The following LY96 variants were observed in gnomAD, a reference collection of about 807,000 sequenced individuals.
The protein encoded by LY96 is myeloid differentiation protein-2.
A neutral mutation model predicts 18.9 loss-of-function variants in LY96; 18 were observed. That is an observed-to-expected ratio of 0.95 (90% CI 0.66 to 1.41). The LOEUF (loss-of-function observed/expected upper bound fraction) is 1.41, where lower values mean the gene tolerates loss of function less well. Ranked by LOEUF, LY96 falls within the 40% of genes most tolerant of loss-of-function variation. The probability of loss-of-function intolerance (pLI) is 0.00; values close to 1 mark genes in which losing one functional copy is unlikely to be tolerated. For missense variants in LY96, 175 were observed against 182.4 expected (o/e 0.96, Z 0.23); for synonymous variants, 66 against 62.6 (o/e 1.06, Z -0.26).
chr8:74,066,742 G>A, the LY96 span, among the ~76,000 whole-genome samples: 1 of 152,148 alleles, frequency 6.6e-6, no homozygotes, highest in Non-Finnish European at 1.5e-5. Context: ...CAAGGCAAGA[G>A]ACTGGAGGCA....
At chr8:74,050,257 T>G in the LY96 span, among the ~76,000 whole-genome samples, 2 of 151,550 alleles carry the variant, frequency 1.3e-5, no homozygotes, top group Non-Finnish European at 2.9e-5. Flanking sequence ...GCACGAGAAT[T>G]ACTTGAACAG....
the LY96 span, among the ~76,000 whole-genome samples, chr8:74,073,584 C>A: frequency 1.3e-5 from 2 of 152,042 alleles, no homozygotes; most frequent in African/African-American, 4.8e-5. Flanking sequence ...TTTCCCACAA[C>A]CTGTGGCTGC....
At chr8:74,063,554 A>G in the LY96 span, among the ~76,000 whole-genome samples, 78 of 152,244 alleles carry the variant, frequency 5.1e-4, no homozygotes, top group African/African-American at 1.8e-3. Flanking sequence ...AGTCCTGCTG[A>G]GATTGTGGTT....
At chr8:74,047,219 A>G in the LY96 span, among the ~76,000 whole-genome samples, 1 of 152,162 alleles carries the variant, frequency 6.6e-6, no homozygotes, top group East Asian at 1.9e-4. Context: ...GATTTTCTAC[A>G]TAAAAAGATT....
the LY96 span, among the ~76,000 whole-genome samples, chr8:74,064,558 CT>C: frequency 6.6e-6 from 1 of 152,194 alleles, no homozygotes; most frequent in African/African-American, 2.4e-5. Context: ...CCCCTCCCTA[CT>C]TTTGCTCCCT....
At chr8:74,053,441 A>G in the LY96 span, among the ~76,000 whole-genome samples, 2 of 152,212 alleles carry the variant, frequency 1.3e-5, no homozygotes, top group Non-Finnish European at 2.9e-5. Flanking sequence ...TACTCCCTGT[A>G]GAATAAAATC....
chr8:74,025,977 C>T (rs10106026), intron 3 of LY96, among the ~76,000 whole-genome samples: 8,552 of 152,138 alleles, frequency 0.056, 789 homozygotes, highest in African/African-American at 0.19. Flanking sequence ...CATTGTACTC[C>T]GGCCTGGGCA....
chr8:74,072,013 G>A, the LY96 span, among the ~76,000 whole-genome samples: 1 of 152,108 alleles, frequency 6.6e-6, no homozygotes, highest in African/African-American at 2.4e-5. Flanking sequence ...ACAATGCCAA[G>A]CACAAACATT....
At chr8:74,083,049 T>A in the LY96 span, among the ~76,000 whole-genome samples, 1 of 152,022 alleles carries the variant, frequency 6.6e-6, no homozygotes, top group Admixed American at 6.6e-5. Context: ...CTGAACCCAT[T>A]TTCCCCGTCC....
At chr8:74,039,564 C>G in the LY96 span, among the ~76,000 whole-genome samples, 1 of 152,000 alleles carries the variant, frequency 6.6e-6, no homozygotes, top group Non-Finnish European at 1.5e-5. Context: ...TTATTGCATA[C>G]AAGACAAGCG....
chr8:73,996,372 CCTTTCTTTCTTTCTTTCTTTCTTTCTTT>C (rs541600290), intron 1 of LY96, among the ~76,000 whole-genome samples: 58 of 111,004 alleles, frequency 5.2e-4, no homozygotes, highest in African/African-American at 1.3e-3. Context: ...TTCCTTCATT[CCTTTCTTTCTTTCTTTCTTTCTTTCTTT>C]CTTTCTTTCT....
chr8:73,995,693 A>G (rs759298754), intron 1 of LY96, among the ~76,000 whole-genome samples: 1 of 152,086 alleles, frequency 6.6e-6, no homozygotes, highest in Non-Finnish European at 1.5e-5. Context: ...ATGCTTTCCT[A>G]TGATCCTGAG....
Position 74,002,116 on chromosome 8 carries a change from TC to T in LY96, c.113-2679del, listed in dbSNP as rs1357039955. 5.2e-5 allele frequency among the ~76,000 whole-genome samples: 7 copies of T among 134,334 alleles called. 1 individual carries two copies. Among genetic ancestry groups the T allele is most frequent in the Non-Finnish European group, 9.4e-5 (6 of 63,784 alleles). 88.1% of individuals were successfully genotyped at this position (134,334 alleles called of 152,430 possible). Reference sequence around the variant, plus strand: ...CTTTCTCTCTCTCTCTCTCTCTCTCTCTCTCTCTCTCTCTCTTTCTTTCCTT... The same window carrying T: ...CTTTCTCTCTCTCTCTCTCTCTCTCTTCTCTCTCTCTCTCTTTCTTTCCTT... On this transcript the variant is annotated intron_variant, in intron 1 of 4. Coordinates refer to ENST00000284818, the MANE Select transcript of LY96 (RefSeq NM_015364.5).
chr8:74,058,356 T>C, the LY96 span, among the ~76,000 whole-genome samples: 4 of 152,164 alleles, frequency 2.6e-5, no homozygotes, highest in Non-Finnish European at 4.4e-5. Context: ...AAACCTAAAC[T>C]TTCTGCTACT....
At chr8:74,055,649 C>G in the LY96 span, among the ~76,000 whole-genome samples, 512 of 152,248 alleles carry the variant, frequency 3.4e-3, 5 homozygotes, top group African/African-American at 0.012. Context: ...TAATCAAGGT[C>G]ATAGGTCTTA....
At chr8:74,017,458 AC>A (rs1321379273) in intron 3 of LY96, among the ~76,000 whole-genome samples, 1 of 152,204 alleles carries the variant, frequency 6.6e-6, no homozygotes, top group Admixed American at 6.5e-5. Flanking sequence ...TGAGAATGGA[AC>A]CAAGCTGGAA....
intron 1 of LY96, among the ~76,000 whole-genome samples, chr8:74,001,944 TTCC>T (rs1182303979): frequency 8.1e-5 from 7 of 86,048 alleles, no homozygotes; most frequent in Admixed American, 6.9e-4. Context: ...CCAACCTTCC[TTCC>T]TTCCTTCCTT....
chr8:74,067,492 C>T, the LY96 span, among the ~76,000 whole-genome samples: 32 of 152,244 alleles, frequency 2.1e-4, no homozygotes, highest in African/African-American at 6.7e-4. Flanking sequence ...GGATTACAGA[C>T]GTGAGCCACT....
chr8:74,099,112 G>C, the LY96 span, among the ~76,000 whole-genome samples: 125 of 152,228 alleles, frequency 8.2e-4, no homozygotes, highest in Non-Finnish European at 9.3e-4. Context: ...AATTTTGTCT[G>C]TGTTCTTTCC....
Sources: gnomAD v4.1 joint callset for allele counts (sites outside exome capture counted in the v4.1 genomes callset) on GRCh38, gnomAD v4.1.1 for gene constraint, MANE v1.5 for transcripts, NCBI Gene and HGNC (gene_info 2026-07-23, HGNC 2026-07-21) for gene names.